Variants in HIVEP1 observed in about 807,000 individuals in gnomAD.
The protein encoded by HIVEP1 is HIVEP zinc finger 1, also known as zinc finger protein 40.
A neutral mutation model predicts 180.0 loss-of-function variants in HIVEP1; 36 were observed. The observed-to-expected ratio is 0.20, with a 90% CI of 0.15 to 0.26. HIVEP1 has a LOEUF of 0.26. Ranked by LOEUF, HIVEP1 falls within the 10% of genes least tolerant of loss-of-function variation. HIVEP1 has a pLI of 1.00. For synonymous variants in HIVEP1, 1,239 were observed against 1,239.0 expected (o/e 1.00, Z 0.00); for missense variants, 3,143 against 3,268.7 (o/e 0.96, Z 0.94).
rs748597092 is a variant in HIVEP1 at position 12,120,275 on chromosome 6, T to C, written c.480T>C (p.Asp160=). ...GADPAKFSDL[D]EQCDSSSLSS... ...ATCCTGCCAAATTCAGTGACCTCGA[T>C]GAACAATGTGACTCAAGTTCCTTGT... Residue 160 remains aspartate (D), a synonymous_variant, in exon 4 of 9, where the codon GAT becomes GAC. Coordinates refer to ENST00000379388, the MANE Select transcript of HIVEP1 (RefSeq NM_002114.4). 3.1e-6 allele frequency: 5 copies of C among 1,614,198 alleles called. No homozygotes were observed. Among genetic ancestry groups the C allele is most frequent in the East Asian group, 4.5e-5 (2 of 44,886 alleles).
chr6:12,086,010 A>C (rs1036133039), intron 2 of HIVEP1, among the ~76,000 whole-genome samples: 1 of 152,156 alleles, frequency 6.6e-6, no homozygotes, highest in African/African-American at 2.4e-5. Flanking sequence ...ATTTTCTTAC[A>C]CAAAATTTTT....
At chr6:12,093,391 T>A (rs964227552) in intron 3 of HIVEP1, among the ~76,000 whole-genome samples, 2 of 151,828 alleles carry the variant, frequency 1.3e-5, no homozygotes, top group South Asian at 4.1e-4. Flanking sequence ...AACCTATTAA[T>A]TTCTTGATTT....
chr6:12,122,902 G>A lies in HIVEP1; in HGVS notation c.3107G>A (p.Ser1036Asn). ...PQIRKRRKMK[S>N]VGDDEELQQN... The stretch of plus-strand genomic sequence containing the variant: ...ATAAGAAAAAGGAGGAAAATGAAAA[G>A]TGTTGGGGATGATGAAGAACTTCAG... Residue 1036 changes from serine (S) to asparagine (N), a missense_variant, in exon 4 of 9, where the codon AGT becomes AAT. Ser to Asn is a conservative substitution (Grantham distance 46). Around this residue, in one of 12 missense-constraint regions of HIVEP1, gnomAD observed 1,357 missense variants for 1,260.5 expected, o/e 1.08. Coordinates refer to ENST00000379388, the MANE Select transcript of HIVEP1 (RefSeq NM_002114.4). The A allele has an allele frequency of 6.2e-7, 1 of 1,614,142 alleles. No homozygotes were observed. The highest frequency in any genetic ancestry group is 8.5e-7 in the Non-Finnish European group (1 of 1,180,002).
At chr6:12,106,039 CAT>C (rs1561943804) in intron 3 of HIVEP1, among the ~76,000 whole-genome samples, 2 of 151,044 alleles carry the variant, frequency 1.3e-5, no homozygotes, top group East Asian at 1.9e-4. Context: ...CACATATATA[CAT>C]ATATATACAC....
intron 7 of HIVEP1, among the ~76,000 whole-genome samples, chr6:12,148,484 T>A (rs1759504487): frequency 1.3e-5 from 2 of 152,216 alleles, no homozygotes; most frequent in South Asian, 4.1e-4. Context: ...AAACATTGTA[T>A]CGTGTAAAGT....
At chr6:12,051,998 A>G (rs1030929916) in intron 2 of HIVEP1, among the ~76,000 whole-genome samples, 2 of 152,208 alleles carry the variant, frequency 1.3e-5, no homozygotes, top group African/African-American at 2.4e-5. Context: ...GGACTTTCCA[A>G]CTGAGGATAG....
chr6:12,143,982 C>T (rs116156745), intron 7 of HIVEP1, among the ~76,000 whole-genome samples: 8,034 of 151,534 alleles, frequency 0.053, 300 homozygotes, highest in Non-Finnish European at 0.082. Flanking sequence ...TATAGACCAT[C>T]TCCATCAAGC....
Position 12,163,271 on chromosome 6 carries a change from CTT to C in HIVEP1, c.6979-11_6979-10del, listed in dbSNP as rs1306143917. The stretch of plus-strand genomic sequence containing the variant: ...ACCTGTCATAAAAGGATTGCTCTCT[CTT>C]GTCATTTAGAGCCCATCATCTGTAA... On this transcript the variant is annotated splice_polypyrimidine_tract_variant and intron_variant, in intron 8 of 8. Transcript: ENST00000379388. 5.6e-6 allele frequency: 9 copies of C among 1,597,998 alleles called. No individual in the cohort carries two copies. The highest frequency in any genetic ancestry group is 6.0e-6 in the Non-Finnish European group (7 of 1,167,634).
At chr6:12,172,125 T>A in the HIVEP1 span, among the ~76,000 whole-genome samples, 1 of 152,242 alleles carries the variant, frequency 6.6e-6, no homozygotes, top group African/African-American at 2.4e-5. Context: ...TCAAGTTTTG[T>A]TCATTTTGTA....
At chr6:12,113,738 T>C (rs976791692) in intron 3 of HIVEP1, among the ~76,000 whole-genome samples, 4 of 152,184 alleles carry the variant, frequency 2.6e-5, no homozygotes, top group Non-Finnish European at 5.9e-5. Context: ...GTGAGTCTTA[T>C]GCATTTTCCT....
rs1383097638 is a variant in HIVEP1, at chr6:12,120,659, A to C, written c.864A>C (p.Glu288Asp). ...CTTCTCATTTGTATCATCAACATGA[A>C]CACTTTGTTCCCAAATCCAACCAAC... ...QSASHLYHQHEHFVPKSNQHN... is the reference protein window; with the variant it reads ...QSASHLYHQHDHFVPKSNQHN... Residue 288 changes from glutamate to aspartate, a missense_variant, in exon 4 of 9, where the codon GAA (glutamate) becomes GAC (aspartate). This residue lies in a region of HIVEP1 where 306 missense variants were observed against 310.6 expected (regional missense o/e 0.99). Coordinates refer to ENST00000379388, the MANE Select transcript of HIVEP1 (RefSeq NM_002114.4). The C allele has an allele frequency of 6.2e-7, 1 of 1,614,222 alleles. No homozygotes were observed. Among genetic ancestry groups the C allele is most frequent in the Admixed American group, 1.7e-5 (1 of 60,030 alleles).
chr6:12,140,228 A>C (rs927438600), intron 7 of HIVEP1, among the ~76,000 whole-genome samples: 3 of 152,224 alleles, frequency 2.0e-5, no homozygotes, highest in African/African-American at 7.2e-5. Flanking sequence ...CAGGGCCTGG[A>C]GTGGACCTCC....
At position 12,077,225 on chromosome 6, in the gene HIVEP1, A is replaced by G. The variant is rs551458387; in HGVS notation, c.41-11959A>G. 2.0e-5 allele frequency among the ~76,000 whole-genome samples: 3 copies of G among 152,336 alleles called. No homozygotes were observed. In the East Asian group the frequency reaches 5.8e-4, roughly 29 times the overall value. ...TGCCCAGACCACATTTGCCCTTAGT[A>G]ATAATGTGTCATATCAGATTAGGTT... On this transcript the variant is annotated intron_variant, in intron 2 of 8. Coordinates refer to ENST00000379388, the MANE Select transcript of HIVEP1 (RefSeq NM_002114.4).
chr6:12,149,722 TCTTTTC>T (rs1163668430), intron 7 of HIVEP1, among the ~76,000 whole-genome samples: 1 of 152,160 alleles, frequency 6.6e-6, no homozygotes, highest in Admixed American at 6.5e-5. Flanking sequence ...TTATCTTCAG[TCTTTTC>T]CTTTTAAGGA....
At chr6:12,039,915 C>T (rs550959379) in intron 2 of HIVEP1, among the ~76,000 whole-genome samples, 31 of 152,238 alleles carry the variant, frequency 2.0e-4, no homozygotes, top group East Asian at 5.8e-4. Flanking sequence ...GTTCCCTGGC[C>T]GGAGTTCAGG....
At chr6:12,065,027 C>G (rs1174147467) in intron 2 of HIVEP1, among the ~76,000 whole-genome samples, 3 of 152,172 alleles carry the variant, frequency 2.0e-5, no homozygotes, top group African/African-American at 7.2e-5. Flanking sequence ...AAAAGAGATT[C>G]ACACATAATA....
At chr6:12,082,840 A>G (rs1436892098) in intron 2 of HIVEP1, among the ~76,000 whole-genome samples, 1 of 152,040 alleles carries the variant, frequency 6.6e-6, no homozygotes, top group African/African-American at 2.4e-5. Context: ...GCTAATGAAT[A>G]CATGCTGAGC....
chr6:12,028,840 C>T (rs1768751730), intron 2 of HIVEP1, among the ~76,000 whole-genome samples: 1 of 152,210 alleles, frequency 6.6e-6, no homozygotes, highest in Non-Finnish European at 1.5e-5. Context: ...CCCAAAATTT[C>T]CTTGAGCTTA....
intron 7 of HIVEP1, among the ~76,000 whole-genome samples, chr6:12,143,615 A>G (rs1759187983): frequency 6.6e-6 from 1 of 152,240 alleles, no homozygotes; most frequent in South Asian, 2.1e-4. Flanking sequence ...TGCAGATGAC[A>G]TGATTGTATA....
Sources: allele counts gnomAD v4.1 joint callset (sites outside exome capture counted in the v4.1 genomes callset), GRCh38; gene constraint gnomAD v4.1.1; regional missense constraint gnomAD v4.1.1; transcripts MANE v1.5; gene names NCBI Gene and HGNC (gene_info 2026-07-23, HGNC 2026-07-21).